PLXNC1: variants seen among roughly 807,000 people sequenced by gnomAD.
PLXNC1 encodes the protein plexin C1.
A neutral mutation model predicts 178.2 loss-of-function variants in PLXNC1; 75 were observed. That is an observed-to-expected ratio of 0.42 (90% CI 0.35 to 0.51). The LOEUF is 0.51. Among genes scored for constraint, PLXNC1 ranks in the 20% least tolerant of loss-of-function variants. PLXNC1 has a pLI of 0.02. For synonymous variants in PLXNC1, 790 were observed against 779.9 expected (o/e 1.01, Z -0.22); for missense variants, 1,503 against 1,984.4 (o/e 0.76, Z 4.61).
rs1223587327 is a variant in PLXNC1 at position 94,306,255 on chromosome 12, A to T, written c.*970A>T. 1 of 151,994 alleles carries T rather than the reference A, an allele frequency of 6.6e-6. No homozygotes were observed. The highest frequency in any genetic ancestry group is 2.4e-5 in the African/African-American group (1 of 41,400). The allele number at this position is 151,994 out of a possible 1,614,324, so 9.4% of individuals were successfully genotyped here. A position where few individuals can be genotyped will look rare whatever the true frequency, so the allele number is the denominator to read the frequency against. ...AAAAAAAAGATACATTTTACATTTTATCGAATTGCTGTTCACACTGGAGTA... is the reference window on the plus strand; with the variant it reads ...AAAAAAAAGATACATTTTACATTTTTTCGAATTGCTGTTCACACTGGAGTA... On this transcript the variant is annotated 3_prime_UTR_variant, in exon 31 of 31. Transcript: ENST00000258526.
intron 9 of PLXNC1, among the ~76,000 whole-genome samples, chr12:94,228,821 C>A (rs1964016007): frequency 6.6e-6 from 1 of 152,106 alleles, no homozygotes; most frequent in African/African-American, 2.4e-5. Context: ...ACGCTTGGGT[C>A]GCTTCCACAT....
At chr12:94,227,560 G>A (rs1383350087) in intron 9 of PLXNC1, 2 of 246,650 alleles carry the variant, frequency 8.1e-6, no homozygotes, top group Non-Finnish European at 1.6e-5. Context: ...ATTTCAACTT[G>A]CACTTTATAT....
chr12:94,194,416 C>T (rs935168997), intron 4 of PLXNC1, among the ~76,000 whole-genome samples: 84 of 152,196 alleles, frequency 5.5e-4, no homozygotes, highest in African/African-American at 1.8e-3. Context: ...ATCTCTGCCA[C>T]TTCTCCTCTT....
chr12:94,294,151 C>CT (rs1306355242), intron 23 of PLXNC1, among the ~76,000 whole-genome samples: 3 of 152,176 alleles, frequency 2.0e-5, no homozygotes, highest in Admixed American at 1.3e-4. Flanking sequence ...GGGGGAATGT[C>CT]CTAACACAGC....
chr12:94,186,353 A>G lies in PLXNC1; in HGVS notation c.1339-20A>G, dbSNP rs1432245480. ...TGTTGCTTATAATTCCATCTGAACC[A>G]TTGTCCTCTTTCCTTTTAGGTGAGG... On this transcript the variant is annotated intron_variant, in intron 3 of 30. Coordinates refer to ENST00000258526, the MANE Select transcript of PLXNC1 (RefSeq NM_005761.3). 1.9e-6 allele frequency: 3 copies of G among 1,545,132 alleles called. No homozygotes were observed. Among genetic ancestry groups the G allele is most frequent in the South Asian group, 1.1e-5 (1 of 89,682 alleles).
At chr12:94,206,727 A>C (rs1963312741) in intron 4 of PLXNC1, among the ~76,000 whole-genome samples, 1 of 152,196 alleles carries the variant, frequency 6.6e-6, no homozygotes, top group South Asian at 2.1e-4. Flanking sequence ...TATCTCTACC[A>C]GTTTCCCTAG....
intron 4 of PLXNC1, among the ~76,000 whole-genome samples, chr12:94,204,548 G>A (rs1278763121): frequency 6.6e-6 from 1 of 152,160 alleles, no homozygotes; most frequent in Non-Finnish European, 1.5e-5. Context: ...AGTTATTTTG[G>A]TCTTATGTTT....
At chr12:94,212,795 C>T (rs1963526866) in intron 5 of PLXNC1, among the ~76,000 whole-genome samples, 1 of 150,668 alleles carries the variant, frequency 6.6e-6, no homozygotes, top group Non-Finnish European at 1.5e-5. Context: ...TCTTGGCTCA[C>T]TGCAAGCTCC....
chr12:94,156,326 A>G (rs905041535), intron 1 of PLXNC1, among the ~76,000 whole-genome samples: 1 of 152,164 alleles, frequency 6.6e-6, no homozygotes, highest in African/African-American at 2.4e-5. Context: ...TCAGCAAATG[A>G]TGGATGCTCC....
chr12:94,269,114 G>A (rs920096951), intron 21 of PLXNC1, among the ~76,000 whole-genome samples: 5 of 152,168 alleles, frequency 3.3e-5, no homozygotes, highest in East Asian at 3.8e-4. Flanking sequence ...CGTAGCAAGC[G>A]TGCTGAATTA....
At chr12:94,212,887 T>C (rs1592770633) in intron 5 of PLXNC1, among the ~76,000 whole-genome samples, 1 of 96,298 alleles carries the variant, frequency 1.0e-5, no homozygotes, top group South Asian at 3.3e-4. Flanking sequence ...ACCCGGCTAA[T>C]TTTTTGTATT....
At chr12:94,287,449 C>G (rs1966860306) in intron 23 of PLXNC1, among the ~76,000 whole-genome samples, 1 of 152,184 alleles carries the variant, frequency 6.6e-6, no homozygotes, top group Non-Finnish European at 1.5e-5. Flanking sequence ...CTCACTCGCA[C>G]CCTGCTGTGA....
At chr12:94,279,406 T>A in intron 21 of PLXNC1, 66 bp from the exon 22 acceptor site, 1 of 1,454,284 alleles carries the variant, frequency 6.9e-7, no homozygotes, top group Non-Finnish European at 9.4e-7. Context: ...GGTTTGTGTC[T>A]TTTATGAAAT....
In PLXNC1 at chr12:94,269,276, T is replaced by C. The variant is rs371947558; in HGVS notation, c.3597+4051T>C. 5.3e-5 allele frequency among the ~76,000 whole-genome samples: 8 copies of C among 152,360 alleles called. No individual in the cohort carries two copies. In the East Asian group the frequency reaches 9.6e-4, roughly 18 times the overall value. On this transcript the variant is annotated intron_variant, in intron 21 of 30. Transcript: ENST00000258526. ...AAAAATATTATTGCCTTCATTCTCC[T>C]ATCTATAAGAAAGTTTTCAAGATTA... is the stretch of plus-strand genomic sequence containing the variant.
chr12:94,261,823 G>C (rs1306369787), intron 20 of PLXNC1, among the ~76,000 whole-genome samples: 1 of 151,456 alleles, frequency 6.6e-6, no homozygotes, highest in East Asian at 1.9e-4. Flanking sequence ...TAAATAGACT[G>C]TGCTTAGTTT....
Position 94,260,914 on chromosome 12 carries a change from T to G in PLXNC1, c.3450+74T>G. On this transcript the variant is annotated intron_variant, in intron 20 of 30. Transcript: ENST00000258526. This position sits in a 1 kb window ranked among gnomAD's most constrained non-coding sequence, Gnocchi z 4.4. ...TATTTTTAGCGGACTCTGATGCCTT[T>G]GCCAGGATAAATCCTGAATGCTCGA... 7.8e-7 allele frequency: 1 copy of G among 1,281,738 alleles called. No individual in the cohort carries two copies. The highest frequency in any genetic ancestry group is 1.1e-6 in the Non-Finnish European group (1 of 894,176). The allele number at this position is 1,281,738 out of a possible 1,614,324, so 79.4% of individuals were successfully genotyped here.
chr12:94,273,906 G>A (rs1017856883), intron 21 of PLXNC1, among the ~76,000 whole-genome samples: 8 of 152,068 alleles, frequency 5.3e-5, no homozygotes, highest in African/African-American at 1.7e-4. Flanking sequence ...GCTCCAAGCC[G>A]GTCCCTACAT....
chr12:94,156,874 A>AT (rs1483730824), intron 1 of PLXNC1, among the ~76,000 whole-genome samples: 4 of 151,508 alleles, frequency 2.6e-5, no homozygotes, highest in East Asian at 1.9e-4. Context: ...TGCCAGGCTG[A>AT]TTTTTTTTAT....
intron 12 of PLXNC1, among the ~76,000 whole-genome samples, chr12:94,246,128 A>T (rs772572368): frequency 2.6e-5 from 4 of 152,238 alleles, no homozygotes; most frequent in African/African-American, 4.8e-5. Context: ...AGCAGGGGCC[A>T]GCTCCTGAAG....
Sources: gnomAD v4.1 joint callset for allele counts (sites outside exome capture counted in the v4.1 genomes callset) on GRCh38, gnomAD v4.1.1 for gene constraint, Gnocchi (gnomAD v3.1) non-coding constraint, MANE v1.5 for transcripts, NCBI Gene and HGNC (gene_info 2026-07-23, HGNC 2026-07-21) for gene names.